The following ATP8A2 variants were observed in gnomAD, a reference collection of about 807,000 sequenced individuals.
The protein encoded by ATP8A2 is ATPase phospholipid transporting 8A2.
A neutral mutation model predicts 165.6 loss-of-function variants in ATP8A2; 100 were observed. The observed-to-expected ratio is 0.60, with a 90% CI of 0.51 to 0.71. ATP8A2 has a LOEUF of 0.71. Among genes scored for constraint, ATP8A2 ranks in the 30% least tolerant of loss-of-function variants. The probability of loss-of-function intolerance (pLI) is 0.00; values close to 1 mark genes in which losing one functional copy is unlikely to be tolerated. For missense variants in ATP8A2, 1,227 were observed against 1,479.5 expected, an observed-to-expected ratio of 0.83 and a Z score of 2.80; for synonymous variants, 543 against 548.8, an observed-to-expected ratio of 0.99 and a Z score of 0.15.
At chr13:25,413,801 G>T (rs2034049031) in intron 1 of ATP8A2, among the ~76,000 whole-genome samples, 1 of 152,154 alleles carries the variant, frequency 6.6e-6, no homozygotes, top group East Asian at 1.9e-4. Context: ...CAAAGACCTT[G>T]TCATCATTTC....
chr13:25,518,262 G>A (rs928529119), intron 2 of ATP8A2, among the ~76,000 whole-genome samples: 2 of 152,200 alleles, frequency 1.3e-5, no homozygotes, highest in Non-Finnish European at 2.9e-5. Context: ...GGAGGAGGAA[G>A]GTGAATGATA....
chr13:25,779,783 A>G (rs1438629533), intron 27 of ATP8A2, among the ~76,000 whole-genome samples: 1 of 152,180 alleles, frequency 6.6e-6, no homozygotes, highest in East Asian at 1.9e-4. Context: ...AAACTCTTTG[A>G]TGTTGACAAT....
intron 24 of ATP8A2, among the ~76,000 whole-genome samples, chr13:25,604,019 A>G (rs1387477059): frequency 6.6e-6 from 1 of 152,030 alleles, no homozygotes; most frequent in Non-Finnish European, 1.5e-5. Flanking sequence ...GCAAATCTCA[A>G]GAATTCAGCT....
rs376979475 is a variant in ATP8A2, at chr13:25,490,865, G to A, written c.221+21744G>A. Among the ~76,000 whole-genome samples the A allele has an allele frequency of 1.5e-4, 22 of 151,680 alleles. No homozygotes were observed. The South Asian group carries it at 3.5e-3, about 24-fold the overall frequency. The stretch of plus-strand genomic sequence containing the variant: ...CCTCAAATTCTCCCACCTCAACCTC[G>A]TAAGTAGCTGGGAATATAGGCACAC... On this transcript the variant is annotated intron_variant, in intron 2 of 36. Coordinates refer to ENST00000381655, the MANE Select transcript of ATP8A2 (RefSeq NM_016529.6).
At chr13:25,425,847 A>G (rs2034436329) in intron 1 of ATP8A2, among the ~76,000 whole-genome samples, 1 of 152,098 alleles carries the variant, frequency 6.6e-6, no homozygotes, top group African/African-American at 2.4e-5. Context: ...GAGTGCTGGG[A>G]TTACAGGCGT....
chr13:25,612,939 ATG>A (rs941810676), intron 24 of ATP8A2, among the ~76,000 whole-genome samples: 2 of 152,040 alleles, frequency 1.3e-5, no homozygotes, highest in Non-Finnish European at 2.9e-5. Context: ...GTTTGGTCTG[ATG>A]TAAGAATAGC....
At chr13:25,487,639 G>C (rs1383453204) in intron 2 of ATP8A2, among the ~76,000 whole-genome samples, 1 of 152,110 alleles carries the variant, frequency 6.6e-6, no homozygotes, top group East Asian at 1.9e-4. Context: ...AAAAAAACCA[G>C]GTATTGTCTT....
intron 25 of ATP8A2, among the ~76,000 whole-genome samples, chr13:25,747,589 CT>C (rs35278567): frequency 0.36 from 54,275 of 151,938 alleles, 10,094 homozygotes; most frequent in East Asian, 0.49. Flanking sequence ...TGGAGGTGTG[CT>C]TAAGTAGACC....
intron 1 of ATP8A2, among the ~76,000 whole-genome samples, chr13:25,403,013 C>T (rs61947562): frequency 6.6e-6 from 1 of 151,894 alleles, no homozygotes; most frequent in Non-Finnish European, 1.5e-5. Context: ...CCCTGAATCC[C>T]TTTTATAAGG....
intron 27 of ATP8A2, among the ~76,000 whole-genome samples, chr13:25,809,045 A>G (rs1283610410): frequency 6.6e-6 from 1 of 152,194 alleles, no homozygotes; most frequent in African/African-American, 2.4e-5. Context: ...TACACGCTAC[A>G]TCTTCAGTTG....
chr13:25,463,359 C>T (rs2035555668), intron 1 of ATP8A2, among the ~76,000 whole-genome samples: 1 of 151,768 alleles, frequency 6.6e-6, no homozygotes, highest in Non-Finnish European at 1.5e-5. Flanking sequence ...TCTTAACTCC[C>T]TGACCTATTT....
intron 33 of ATP8A2, among the ~76,000 whole-genome samples, chr13:25,919,303 G>A (rs977428223): frequency 6.6e-6 from 1 of 152,214 alleles, no homozygotes; most frequent in Non-Finnish European, 1.5e-5. Context: ...TATGGCAGAT[G>A]ATGTCAGCCA....
intron 25 of ATP8A2, among the ~76,000 whole-genome samples, chr13:25,718,041 C>T (rs1267837058): frequency 6.6e-6 from 1 of 152,144 alleles, no homozygotes; most frequent in Non-Finnish European, 1.5e-5. Flanking sequence ...CAGGAAGGGT[C>T]TGGGCATGGT....
chr13:25,735,714 A>G (rs2043753021), intron 25 of ATP8A2, among the ~76,000 whole-genome samples: 1 of 152,202 alleles, frequency 6.6e-6, no homozygotes, highest in African/African-American at 2.4e-5. Flanking sequence ...CATATCAACC[A>G]TGGTGGTCCC....
chr13:25,843,792 T>A (rs1391465170), intron 30 of ATP8A2, among the ~76,000 whole-genome samples: 2 of 152,066 alleles, frequency 1.3e-5, no homozygotes. Context: ...ATTTCTAGCA[T>A]CCCCCTTGTA....
At chr13:25,504,342 A>G (rs1371147138) in intron 2 of ATP8A2, among the ~76,000 whole-genome samples, 4 of 150,952 alleles carry the variant, frequency 2.6e-5, no homozygotes, top group African/African-American at 9.8e-5. Flanking sequence ...TTCATCTAAC[A>G]TCTATTTCGT....
intron 2 of ATP8A2, among the ~76,000 whole-genome samples, chr13:25,520,686 C>T (rs995626260): frequency 5.3e-5 from 8 of 151,022 alleles, no homozygotes; most frequent in South Asian, 2.1e-4. Flanking sequence ...TTGCAAGCTC[C>T]GCTTCTCAGG....
Position 25,983,256 on chromosome 13 carries a change from A to G in ATP8A2, c.3377+14577A>G, listed in dbSNP as rs372271939. Among the ~76,000 whole-genome samples the G allele has an allele frequency of 2.8e-4, 42 of 152,336 alleles. No homozygotes were observed. The South Asian group carries it at 6.6e-3, about 24-fold the overall frequency. On this transcript the variant is annotated intron_variant, in intron 35 of 36. Coordinates refer to ENST00000381655, the MANE Select transcript of ATP8A2 (RefSeq NM_016529.6). ...ATATATTCAGCAACATTTTTCATTT[A>G]CTTACACCATGAAGAACAACAACAA...
intron 35 of ATP8A2, among the ~76,000 whole-genome samples, chr13:25,984,577 G>A (rs1162354988): frequency 2.0e-5 from 3 of 147,522 alleles, no homozygotes; most frequent in African/African-American, 7.5e-5. Context: ...TAGCCTTGCC[G>A]ACAGAGTGAG....
Sources: allele counts gnomAD v4.1 joint callset (sites outside exome capture counted in the v4.1 genomes callset), GRCh38; gene constraint gnomAD v4.1.1; transcripts MANE v1.5; gene names NCBI Gene and HGNC (gene_info 2026-07-23, HGNC 2026-07-21).